The following DLG1 variants were observed in gnomAD, a reference collection of about 807,000 sequenced individuals.
DLG1 encodes the protein disks large homolog 1.
DLG1 carries 42 observed loss-of-function variants against 123.4 expected under a neutral mutation model. The observed-to-expected ratio is 0.34, with a 90% CI of 0.27 to 0.44. The LOEUF is 0.44. DLG1 is among the 20% of genes least tolerant of loss of function. The pLI, the probability that DLG1 is intolerant of heterozygous loss-of-function variation, is 1.00. For missense variants in DLG1, 942 were observed against 1,082.6 expected (o/e 0.87, Z 1.82); for synonymous variants, 317 against 356.2 (o/e 0.89, Z 1.24).
chr3:197,243,880 G>C (rs1278179861), intron 4 of DLG1, among the ~76,000 whole-genome samples: 1 of 152,170 alleles, frequency 6.6e-6, no homozygotes, highest in African/African-American at 2.4e-5. Flanking sequence ...ATAAACATGA[G>C]AGTCAAAGGA....
At chr3:197,217,355 A>G (rs1307957806) in intron 4 of DLG1, among the ~76,000 whole-genome samples, 1 of 152,242 alleles carries the variant, frequency 6.6e-6, no homozygotes, top group Non-Finnish European at 1.5e-5. Flanking sequence ...TGGATCAAGA[A>G]CAATGAATGT....
intron 11 of DLG1, among the ~76,000 whole-genome samples, chr3:197,130,143 A>T (rs1781765639): frequency 6.6e-6 from 1 of 152,122 alleles, no homozygotes. Context: ...AGCCCAATAA[A>T]ATGAGGTATG....
intron 4 of DLG1, among the ~76,000 whole-genome samples, chr3:197,243,605 C>T (rs977651072): frequency 1.3e-4 from 20 of 148,830 alleles, no homozygotes; most frequent in African/African-American, 4.9e-4. Context: ...GACTCCACCT[C>T]TTTTTTTTTT....
chr3:197,288,743 A>AACATACATACATAC (rs1553827364), intron 3 of DLG1, among the ~76,000 whole-genome samples: 35 of 72,100 alleles, frequency 4.9e-4, no homozygotes, highest in African/African-American at 2.5e-3. Flanking sequence ...AAAAAAAAAA[A>AACATACATACATAC]ATACATACAT....
At position 197,081,058 on chromosome 3, in the gene DLG1, T is replaced by C. The variant is rs952945407; in HGVS notation, c.1898A>G (p.Asp633Gly). ...KTVKFNSKTR[D>G]KGQSFNDKRK... ...GAGATTTCAAATACTCACCCCTTTATCTCTCGTTTTAGAATTGAATTTCAC... is the reference window on the plus strand; with the variant it reads ...GAGATTTCAAATACTCACCCCTTTACCTCTCGTTTTAGAATTGAATTTCAC... Residue 633 changes from aspartate to glycine, a missense_variant, in exon 17 of 25, where the codon GAT becomes GGT. Physicochemically the swap from Asp to Gly is moderately conservative, Grantham distance 94. Coordinates refer to ENST00000667157, the MANE Select transcript of DLG1 (RefSeq NM_001366207.1). 1.2e-5 allele frequency: 19 copies of C among 1,612,948 alleles called. No homozygotes were observed. The highest frequency in any genetic ancestry group is 1.6e-5 in the Non-Finnish European group (19 of 1,179,446).
chr3:197,226,206 T>C (rs949956384), intron 4 of DLG1: 1 of 152,232 alleles, frequency 6.6e-6, no homozygotes, highest in African/African-American at 2.4e-5. Flanking sequence ...TTCACTAAAA[T>C]TATAGTCAAA....
At chr3:197,073,519 T>C (rs1578567701) in intron 18 of DLG1, among the ~76,000 whole-genome samples, 1 of 152,250 alleles carries the variant, frequency 6.6e-6, no homozygotes. Context: ...TTTTTATTTC[T>C]AGCTTTTCGC....
chr3:197,148,396 G>A (rs1163387726), intron 6 of DLG1, among the ~76,000 whole-genome samples: 2 of 130,700 alleles, frequency 1.5e-5, no homozygotes, highest in East Asian at 2.5e-4. Flanking sequence ...GGGTGACAGA[G>A]TGAAACTGTC....
At chr3:197,196,292 G>A (rs1432179427) in intron 4 of DLG1, among the ~76,000 whole-genome samples, 2 of 151,210 alleles carry the variant, frequency 1.3e-5, no homozygotes, top group African/African-American at 4.9e-5. Flanking sequence ...ACAATCACAC[G>A]GAAAACATCA....
At chr3:197,176,117 T>A (rs1806908777) in intron 5 of DLG1, among the ~76,000 whole-genome samples, 1 of 152,134 alleles carries the variant, frequency 6.6e-6, no homozygotes, top group Admixed American at 6.5e-5. Context: ...AGACCTTATA[T>A]CATAAATTTC....
Position 197,211,653 on chromosome 3 carries a change from G to T in DLG1, c.319-17064C>A, listed in dbSNP as rs1328933258. Among the ~76,000 whole-genome samples, 3 of 146,686 alleles carry T rather than the reference G, an allele frequency of 2.0e-5. 1 individual carries two copies. Among genetic ancestry groups the T allele is most frequent in the Admixed American group, 6.8e-5 (1 of 14,654 alleles). ...GAAAAGGGAATACTTATACACTGTT[G>T]TTGGGAGTACAAATGGGTTCAACCA... is the stretch of plus-strand genomic sequence containing the variant. On this transcript the variant is annotated intron_variant, in intron 4 of 24. Transcript: ENST00000667157.
chr3:197,297,577 A>C (rs1579639801), intron 1 of DLG1: 1 of 1,034,080 alleles, frequency 9.7e-7, no homozygotes, highest in Non-Finnish European at 1.2e-6. Context: ...AAGCGCTCCG[A>C]CCCTTGGCCC....
chr3:197,114,792 T>C lies in DLG1; in HGVS notation c.1443+1135A>G, dbSNP rs145512011. Reference sequence around the variant, plus strand: ...GGTCAGGAGATCGAGACCATCCTGGTTAACAAGGTGAAACCCCGTCTCTAA... The same window carrying C: ...GGTCAGGAGATCGAGACCATCCTGGCTAACAAGGTGAAACCCCGTCTCTAA... On this transcript the variant is annotated intron_variant, in intron 13 of 24. Transcript: ENST00000667157. Among the ~76,000 whole-genome samples the C allele has an allele frequency of 3.7e-3, 568 of 151,758 alleles. 4 individuals carry two copies. Among genetic ancestry groups the C allele is most frequent in the African/African-American group, 0.013 (537 of 41,422 alleles).
chr3:197,154,571 A>T (rs1296730472), intron 5 of DLG1, among the ~76,000 whole-genome samples: 1 of 151,962 alleles, frequency 6.6e-6, no homozygotes, highest in African/African-American at 2.4e-5. Flanking sequence ...GCTACTCGGG[A>T]GGCTGAGGCA....
At chr3:197,058,815 G>A (rs550569085) in intron 23 of DLG1, among the ~76,000 whole-genome samples, 1 of 152,032 alleles carries the variant, frequency 6.6e-6, no homozygotes, top group Non-Finnish European at 1.5e-5. Context: ...ATTACTTTTC[G>A]CCCCTATGCA....
At chr3:197,110,162 A>C (rs576170301) in intron 13 of DLG1, among the ~76,000 whole-genome samples, 2 of 152,116 alleles carry the variant, frequency 1.3e-5, no homozygotes, top group Non-Finnish European at 2.9e-5. Context: ...TGAAGCTGTT[A>C]ATTTTTCTTC....
chr3:197,092,456 T>C (rs1758266852), intron 14 of DLG1, among the ~76,000 whole-genome samples: 1 of 152,186 alleles, frequency 6.6e-6, no homozygotes, highest in Non-Finnish European at 1.5e-5. Flanking sequence ...TCCTGTAGCT[T>C]TTAATCCTTA....
intron 5 of DLG1, among the ~76,000 whole-genome samples, chr3:197,175,065 A>G (rs972081410): frequency 7.9e-5 from 12 of 152,210 alleles, no homozygotes; most frequent in African/African-American, 2.7e-4. Context: ...AAAATCTTTT[A>G]AATAAATGCC....
chr3:197,168,834 T>A (rs1386106447), intron 5 of DLG1, among the ~76,000 whole-genome samples: 1 of 152,204 alleles, frequency 6.6e-6, no homozygotes, highest in African/African-American at 2.4e-5. Flanking sequence ...AGCAACATCA[T>A]GGAATCATTA....
Sources: gnomAD v4.1 joint callset for allele counts (sites outside exome capture counted in the v4.1 genomes callset) on GRCh38, gnomAD v4.1.1 for gene constraint, MANE v1.5 for transcripts, NCBI Gene and HGNC (gene_info 2026-07-23, HGNC 2026-07-21) for gene names.